The following ELP3 variants were observed in gnomAD, a reference collection of about 807,000 sequenced individuals.
The protein encoded by ELP3 is elongator acetyltransferase complex subunit 3, also known as elongator complex protein 3.
ELP3 carries 56 observed loss-of-function variants against 74.9 expected under a neutral mutation model. That is an observed-to-expected ratio of 0.75 (90% CI 0.60 to 0.93). ELP3 has a LOEUF of 0.93. Among genes scored for constraint, ELP3 ranks in the 40% least tolerant of loss-of-function variants. ELP3 has a pLI of 0.00. For missense variants in ELP3, 573 were observed against 686.5 expected (o/e 0.83, Z 1.85); for synonymous variants, 222 against 239.8 (o/e 0.93, Z 0.68).
intron 10 of ELP3, among the ~76,000 whole-genome samples, chr8:28,139,193 G>A (rs1426134314): frequency 1.3e-5 from 2 of 152,182 alleles, no homozygotes; most frequent in Non-Finnish European, 2.9e-5. Context: ...ACGTCCTCTA[G>A]GGGTGGGTTG....
At chr8:28,170,394 C>CAA (rs1327549040) in intron 14 of ELP3, among the ~76,000 whole-genome samples, 13 of 152,150 alleles carry the variant, frequency 8.5e-5, no homozygotes, top group Non-Finnish European at 1.9e-4. Context: ...TCAAGCATGG[C>CAA]AACACAATCA....
intron 5 of ELP3, 72 bp downstream of exon 5, chr8:28,108,048 C>G: frequency 7.8e-7 from 1 of 1,288,142 alleles, no homozygotes; most frequent in South Asian, 1.3e-5. Flanking sequence ...TTTACCAGTA[C>G]TGGCTTTCTG....
At chr8:28,139,649 A>G (rs1285465663) in intron 10 of ELP3, among the ~76,000 whole-genome samples, 2 of 152,190 alleles carry the variant, frequency 1.3e-5, no homozygotes, top group African/African-American at 2.4e-5. Flanking sequence ...TTAGATATCA[A>G]TAAATAATCT....
intron 5 of ELP3, among the ~76,000 whole-genome samples, chr8:28,108,399 C>T (rs1167309198): frequency 6.6e-6 from 1 of 151,160 alleles, no homozygotes; most frequent in Non-Finnish European, 1.5e-5. Flanking sequence ...TGTACTGTCA[C>T]TTTAGCAGTG....
chr8:28,163,904 G>A (rs1324422075), intron 14 of ELP3, among the ~76,000 whole-genome samples: 1 of 152,222 alleles, frequency 6.6e-6, no homozygotes. Flanking sequence ...GCTCCCAGGT[G>A]ATACCATGCT....
At chr8:28,164,525 GT>G (rs1814232270) in intron 14 of ELP3, among the ~76,000 whole-genome samples, 3 of 152,118 alleles carry the variant, frequency 2.0e-5, no homozygotes, top group Non-Finnish European at 4.4e-5. Context: ...TGGGACTCTA[GT>G]GAGTTCAGAA....
At chr8:28,118,060 A>G (rs752917567) in intron 7 of ELP3, among the ~76,000 whole-genome samples, 3 of 152,166 alleles carry the variant, frequency 2.0e-5, no homozygotes, top group Non-Finnish European at 4.4e-5. Flanking sequence ...CACTGCTCTT[A>G]GATGTAAGGT....
At chr8:28,168,574 G>A (rs1294958492) in intron 14 of ELP3, among the ~76,000 whole-genome samples, 4 of 152,176 alleles carry the variant, frequency 2.6e-5, no homozygotes, top group African/African-American at 9.7e-5. Context: ...TGAAAGGTCT[G>A]GAAGCTTTGA....
chr8:28,137,664 A>G (rs1388655412), intron 9 of ELP3, 34 bp from the exon 10 acceptor site: 1 of 1,597,434 alleles, frequency 6.3e-7, no homozygotes, highest in East Asian at 2.2e-5. Flanking sequence ...CTGCATAACT[A>G]ATGGAGAAGT....
At chr8:28,132,905 AT>A (rs1049359319) in intron 9 of ELP3, among the ~76,000 whole-genome samples, 2 of 151,876 alleles carry the variant, frequency 1.3e-5, no homozygotes, top group African/African-American at 2.4e-5. Context: ...TATGTGTATA[AT>A]TTTTTTTAGT....
chr8:28,140,759 G>GA (rs1813205711), intron 10 of ELP3, among the ~76,000 whole-genome samples: 1 of 152,144 alleles, frequency 6.6e-6, no homozygotes, highest in Non-Finnish European at 1.5e-5. Context: ...GCATAGTACT[G>GA]AAGTGCTGGC....
chr8:28,162,057 G>A lies in ELP3; in HGVS notation c.1546G>A (p.Gly516Arg), dbSNP rs781543066. The A allele has an allele frequency of 7.4e-6, 12 of 1,614,036 alleles. No individual in the cohort carries two copies. The highest frequency in any genetic ancestry group is 1.3e-5 in the African/African-American group (1 of 74,926). The change falls in exon 14 of 15, where the codon GGG becomes AGG. Residue 516 changes from glycine (G) to arginine (R), a missense_variant. Coordinates refer to ENST00000256398, the MANE Select transcript of ELP3 (RefSeq NM_018091.6). ...ERIAREEHGS[G>R]KIAVISGVGT... ...AATAGCTAGAGAAGAACATGGGTCT[G>A]GGAAAATCGCTGTGATATCAGGTAA... is the stretch of plus-strand genomic sequence containing the variant.
intron 14 of ELP3, among the ~76,000 whole-genome samples, chr8:28,173,679 A>G (rs1314333014): frequency 6.6e-6 from 1 of 150,720 alleles, no homozygotes; most frequent in Non-Finnish European, 1.5e-5. Flanking sequence ...GATTTCAGAT[A>G]TATCTGCTTT....
At chr8:28,178,311 C>A (rs557144222) in intron 14 of ELP3, among the ~76,000 whole-genome samples, 16 of 152,330 alleles carry the variant, frequency 1.1e-4, no homozygotes, top group African/African-American at 3.6e-4. Context: ...CTCTAACCCC[C>A]ACTTATGTCA....
chr8:28,141,004 T>C (rs1037725054), intron 10 of ELP3, among the ~76,000 whole-genome samples: 1 of 152,206 alleles, frequency 6.6e-6, no homozygotes, highest in African/African-American at 2.4e-5. Flanking sequence ...ACCTTGTATT[T>C]TCCCTAAGAG....
At chr8:28,170,305 T>C (rs2130577086) in intron 14 of ELP3, among the ~76,000 whole-genome samples, 1 of 152,356 alleles carries the variant, frequency 6.6e-6, no homozygotes, top group East Asian at 1.9e-4. Context: ...ATTCAGTACC[T>C]CTAATGCCTT....
chr8:28,114,087 G>A (rs1392332112), intron 7 of ELP3, among the ~76,000 whole-genome samples: 1 of 151,844 alleles, frequency 6.6e-6, no homozygotes, highest in Admixed American at 6.6e-5. Context: ...AGGAGTTGCA[G>A]GAACACCTGG....
At chr8:28,132,516 C>A in intron 9 of ELP3, 112 bp downstream of exon 9, 1 of 1,351,018 alleles carries the variant, frequency 7.4e-7, no homozygotes, top group East Asian at 2.4e-5. Flanking sequence ...GAAATGCATC[C>A]TTATTATAGA....
intron 7 of ELP3, among the ~76,000 whole-genome samples, chr8:28,116,640 C>T (rs1812149219): frequency 6.6e-6 from 1 of 151,872 alleles, no homozygotes; most frequent in African/African-American, 2.4e-5. Context: ...CTTGGGAGGC[C>T]GAGGCACAGA....
Sources: gnomAD v4.1 joint callset for allele counts (sites outside exome capture counted in the v4.1 genomes callset) on GRCh38, gnomAD v4.1.1 for gene constraint, MANE v1.5 for transcripts, NCBI Gene and HGNC (gene_info 2026-07-23, HGNC 2026-07-21) for gene names.